The following CSMD1 variants were observed in gnomAD, a reference collection of about 807,000 sequenced individuals.
CSMD1 encodes the protein CUB and sushi domain-containing protein 1.
CSMD1 carries 213 observed loss-of-function variants against 417.5 expected under a neutral mutation model. The observed-to-expected ratio is 0.51, with a 90% CI of 0.46 to 0.57. CSMD1 has a LOEUF of 0.57. Ranked by LOEUF, CSMD1 falls within the 20% of genes least tolerant of loss-of-function variation. CSMD1 has a pLI of 0.00. For synonymous variants in CSMD1, 2,862 were observed against 1,736.8 expected (o/e 1.65, Z -16.11); for missense variants, 6,923 against 4,529.7 (o/e 1.53, Z -15.17).
At chr8:4,111,732 A>G (rs183191930) in intron 3 of CSMD1, among the ~76,000 whole-genome samples, 6 of 152,268 alleles carry the variant, frequency 3.9e-5, no homozygotes, top group Admixed American at 3.9e-4. Context: ...GAACACATGG[A>G]AACAGAGAGG....
In CSMD1 at chr8:3,409,554, C is replaced by T. The variant is rs200213634; in HGVS notation, c.1613G>A (p.Arg538Gln). The change falls in exon 13 of 70, where the codon CGG (arginine) becomes CAG (glutamine). Residue 538 changes from arginine (R) to glutamine (Q), a missense_variant. By Grantham distance (43) the Arg-to-Gln change is conservative. Coordinates refer to ENST00000635120, the MANE Select transcript of CSMD1 (RefSeq NM_033225.6). Reference sequence around the variant, plus strand: ...TCCATGGAGGAAACTGCTGCCCGTCCGCTTCCCATAGGCGGGGATTCCAGG... The same window carrying T: ...TCCATGGAGGAAACTGCTGCCCGTCTGCTTCCCATAGGCGGGGATTCCAGG... ...GDPGIPAYGK[R>Q]TGSSFLHGDT... The T allele has an allele frequency of 2.0e-5, 33 of 1,610,644 alleles. No individual in the cohort carries two copies. The highest frequency in any genetic ancestry group is 4.5e-5 in the East Asian group (2 of 44,762).
intron 3 of CSMD1, among the ~76,000 whole-genome samples, chr8:4,109,707 C>T (rs1486320273): frequency 6.6e-6 from 1 of 152,050 alleles, no homozygotes; most frequent in African/African-American, 2.4e-5. Context: ...GCATATGATG[C>T]TATGAAAAAT....
chr8:3,826,948 T>C lies in CSMD1; in HGVS notation c.819-72906A>G, dbSNP rs554860111. ...ACTACAGGCATGTGCCTAGCTATTT[T>C]TTTAAATATAATTTATAGAGACAGA... On this transcript the variant is annotated intron_variant, in intron 5 of 69. Coordinates refer to ENST00000635120, the MANE Select transcript of CSMD1 (RefSeq NM_033225.6). Among the ~76,000 whole-genome samples, 3 of 152,180 alleles carry C rather than the reference T, an allele frequency of 2.0e-5. No individual in the cohort carries two copies. The South Asian group carries it at 6.2e-4, about 32-fold the overall frequency.
At chr8:4,857,096 T>C (rs12549044) in intron 1 of CSMD1, among the ~76,000 whole-genome samples, 59,181 of 144,352 alleles carry the variant, frequency 0.41, 12,697 homozygotes, top group Non-Finnish European at 0.49. Flanking sequence ...CAAACTAGAA[T>C]TCAGGATTAA....
intron 3 of CSMD1, among the ~76,000 whole-genome samples, chr8:4,404,102 G>A (rs1310507838): frequency 6.6e-6 from 1 of 152,132 alleles, no homozygotes; most frequent in African/African-American, 2.4e-5. Flanking sequence ...TTAGGGAATG[G>A]TATTTCTCCA....
At chr8:4,765,759 G>A (rs1201749804) in intron 1 of CSMD1, among the ~76,000 whole-genome samples, 2 of 152,130 alleles carry the variant, frequency 1.3e-5, no homozygotes, top group Admixed American at 1.3e-4. Context: ...TTAAATTATT[G>A]GGATAATTTC....
intron 5 of CSMD1, among the ~76,000 whole-genome samples, chr8:3,877,206 G>A (rs1160050209): frequency 6.6e-6 from 1 of 152,052 alleles, no homozygotes; most frequent in Non-Finnish European, 1.5e-5. Context: ...GTGGACACTG[G>A]GCTCAGCACC....
At chr8:4,661,412 G>T (rs773150040) in intron 1 of CSMD1, among the ~76,000 whole-genome samples, 3 of 152,112 alleles carry the variant, frequency 2.0e-5, no homozygotes, top group Non-Finnish European at 4.4e-5. Context: ...TATAGGATTC[G>T]ATTTTTATAA....
At chr8:4,545,677 A>G (rs1791827468) in intron 2 of CSMD1, among the ~76,000 whole-genome samples, 2 of 152,180 alleles carry the variant, frequency 1.3e-5, no homozygotes, top group Admixed American at 1.3e-4. Context: ...GTGCAGTGAG[A>G]CATGCTCACT....
chr8:4,094,064 G>A (rs866229900), intron 3 of CSMD1, among the ~76,000 whole-genome samples: 1 of 152,084 alleles, frequency 6.6e-6, no homozygotes, highest in Admixed American at 6.6e-5. Context: ...CTGGTGTGAA[G>A]GACAGTGTGG....
At chr8:4,341,865 C>G (rs1167536517) in intron 3 of CSMD1, among the ~76,000 whole-genome samples, 3 of 152,064 alleles carry the variant, frequency 2.0e-5, no homozygotes, top group Non-Finnish European at 4.4e-5. Context: ...GCAGCCACAG[C>G]TGATGTTAAC....
intron 12 of CSMD1, among the ~76,000 whole-genome samples, chr8:3,457,669 AG>A (rs1816241833): frequency 6.6e-6 from 1 of 152,260 alleles, no homozygotes; most frequent in South Asian, 2.1e-4. Flanking sequence ...AACACAATTC[AG>A]AAATTTTAAC....
intron 1 of CSMD1, among the ~76,000 whole-genome samples, chr8:4,841,928 A>AG (rs1033255980): frequency 6.9e-6 from 1 of 144,506 alleles, no homozygotes. Flanking sequence ...AAAAAAAAAA[A>AG]AAAAAAAAAA....
chr8:3,977,265 T>A (rs912937026), intron 5 of CSMD1, among the ~76,000 whole-genome samples: 1 of 152,158 alleles, frequency 6.6e-6, no homozygotes, highest in Non-Finnish European at 1.5e-5. Context: ...TTTCCCACAC[T>A]ATGATCCAAG....
At chr8:4,734,066 G>A (rs375043792) in intron 1 of CSMD1, among the ~76,000 whole-genome samples, 1 of 152,092 alleles carries the variant, frequency 6.6e-6, no homozygotes, top group East Asian at 1.9e-4. Context: ...AGAAACTGAG[G>A]TGACAAGTTA....
intron 2 of CSMD1, among the ~76,000 whole-genome samples, chr8:4,627,746 A>C (rs1227373695): frequency 2.0e-5 from 3 of 152,140 alleles, no homozygotes; most frequent in Non-Finnish European, 4.4e-5. Context: ...AGCCAGTTCC[A>C]GCTAACCTCT....
chr8:4,879,660 C>G (rs374872363), intron 1 of CSMD1, among the ~76,000 whole-genome samples: 1 of 151,924 alleles, frequency 6.6e-6, no homozygotes, highest in Non-Finnish European at 1.5e-5. Flanking sequence ...CTGAGATAAA[C>G]TGGCCCATAG....
chr8:4,675,866 G>C (rs1805650963), intron 1 of CSMD1, among the ~76,000 whole-genome samples: 1 of 152,090 alleles, frequency 6.6e-6, no homozygotes, highest in Non-Finnish European at 1.5e-5. Flanking sequence ...GTGCCTAATT[G>C]TTTCCTAAAC....
chr8:3,534,989 C>G (rs1375762231), intron 10 of CSMD1, among the ~76,000 whole-genome samples: 2 of 152,138 alleles, frequency 1.3e-5, no homozygotes, highest in African/African-American at 4.8e-5. Context: ...GCTTTGTCGC[C>G]CAGGCTGGAG....
Sources: allele counts gnomAD v4.1 joint callset (sites outside exome capture counted in the v4.1 genomes callset), GRCh38; gene constraint gnomAD v4.1.1; transcripts MANE v1.5; gene names NCBI Gene and HGNC (gene_info 2026-07-23, HGNC 2026-07-21).